Variants in ITGA1 observed in about 807,000 individuals in gnomAD.
ITGA1 encodes integrin subunit alpha 1.
Under a neutral mutation model 145.9 loss-of-function variants are expected in ITGA1, and 85 were observed. The ratio of observed to expected loss-of-function variants is 0.58; its 90% confidence interval spans 0.49 to 0.70. The LOEUF is 0.70. Ranked by LOEUF, ITGA1 falls within the 30% of genes least tolerant of loss-of-function variation. ITGA1 has a pLI of 0.00. For missense variants in ITGA1, 1,351 were observed against 1,418.7 expected, an observed-to-expected ratio of 0.95 and a Z score of 0.77; for synonymous variants, 520 against 495.3, an observed-to-expected ratio of 1.05 and a Z score of -0.66.
chr5:52,951,776 A>G (rs1751224757), intron 28 of ITGA1, among the ~76,000 whole-genome samples: 1 of 152,238 alleles, frequency 6.6e-6, no homozygotes, highest in African/African-American at 2.4e-5. Context: ...GGCAAAGAAG[A>G]GACAATGCTA....
intron 6 of ITGA1, among the ~76,000 whole-genome samples, chr5:52,881,134 G>A (rs928051240): frequency 1.3e-5 from 2 of 152,162 alleles, no homozygotes; most frequent in Non-Finnish European, 2.9e-5. Context: ...AGTTGGGAAG[G>A]GCTGATTTGG....
intron 1 of ITGA1, among the ~76,000 whole-genome samples, chr5:52,844,229 A>C (rs541044625): frequency 6.6e-6 from 1 of 152,254 alleles, no homozygotes; most frequent in South Asian, 2.1e-4. Context: ...GAAGTCCTTC[A>C]AGAAGTTAGA....
chr5:52,900,740 C>T (rs1399624483), intron 11 of ITGA1, among the ~76,000 whole-genome samples: 1 of 152,120 alleles, frequency 6.6e-6, no homozygotes, highest in Non-Finnish European at 1.5e-5. Context: ...GCAAATTACT[C>T]TCCCCCTCAA....
chr5:52,944,266 G>A (rs1368619912), intron 26 of ITGA1, among the ~76,000 whole-genome samples: 2 of 152,132 alleles, frequency 1.3e-5, no homozygotes, highest in African/African-American at 2.4e-5. Context: ...GGAGATGTTG[G>A]GTACTCTGTA....
chr5:52,878,703 GT>G (rs1460876788), intron 6 of ITGA1, among the ~76,000 whole-genome samples: 1 of 152,174 alleles, frequency 6.6e-6, no homozygotes, highest in East Asian at 1.9e-4. Flanking sequence ...TAGTTGTAGT[GT>G]TTGACAGCGC....
intron 6 of ITGA1, chr5:52,867,032 T>C (rs930226542): frequency 8.6e-5 from 13 of 151,262 alleles, no homozygotes; most frequent in South Asian, 2.1e-4. Flanking sequence ...TTTTTTTTTT[T>C]CTGAGGACTT....
intron 10 of ITGA1, among the ~76,000 whole-genome samples, chr5:52,897,796 G>C (rs1039626566): frequency 2.6e-5 from 4 of 151,978 alleles, no homozygotes; most frequent in African/African-American, 9.7e-5. Flanking sequence ...TTATGTATCT[G>C]TCTAAATGAA....
At chr5:52,949,212 G>A (rs912344593) in intron 28 of ITGA1, among the ~76,000 whole-genome samples, 2 of 152,166 alleles carry the variant, frequency 1.3e-5, no homozygotes, top group Non-Finnish European at 2.9e-5. Flanking sequence ...TGCTTACTAT[G>A]TGCAGGGAGC....
At chr5:52,948,033 C>T (rs1033408383) in intron 28 of ITGA1, among the ~76,000 whole-genome samples, 1 of 152,150 alleles carries the variant, frequency 6.6e-6, no homozygotes. Flanking sequence ...TAAAGTTTCA[C>T]AGACTCCTAT....
At chr5:52,853,947 G>A (rs994368772) in intron 2 of ITGA1, among the ~76,000 whole-genome samples, 1 of 152,120 alleles carries the variant, frequency 6.6e-6, no homozygotes, top group Non-Finnish European at 1.5e-5. Context: ...GGTCTCAGCC[G>A]AACGGGAAAA....
chr5:52,876,368 C>T (rs142930890), intron 6 of ITGA1, among the ~76,000 whole-genome samples: 131 of 152,250 alleles, frequency 8.6e-4, no homozygotes, highest in African/African-American at 2.7e-3. Context: ...AAAGTAATTG[C>T]GGTTTTGCCA....
At chr5:52,889,230 T>G (rs1185418747) in intron 8 of ITGA1, among the ~76,000 whole-genome samples, 1 of 152,078 alleles carries the variant, frequency 6.6e-6, no homozygotes, top group Non-Finnish European at 1.5e-5. Flanking sequence ...GCCTCCCAAG[T>G]AGCTGGGACC....
chr5:52,942,396 A>T (rs900277955), intron 26 of ITGA1, among the ~76,000 whole-genome samples: 3 of 152,108 alleles, frequency 2.0e-5, no homozygotes, highest in Non-Finnish European at 4.4e-5. Context: ...ATTAAATGAA[A>T]GGTTTTTTCT....
chr5:52,910,660 A>C (rs1254657310), intron 14 of ITGA1, among the ~76,000 whole-genome samples: 1 of 147,828 alleles, frequency 6.8e-6, no homozygotes, highest in Non-Finnish European at 1.5e-5. Flanking sequence ...TAATGTGTAT[A>C]TAGTATATAT....
intron 3 of ITGA1, among the ~76,000 whole-genome samples, chr5:52,863,684 C>A (rs1183565914): frequency 6.6e-6 from 1 of 152,050 alleles, no homozygotes; most frequent in Non-Finnish European, 1.5e-5. Flanking sequence ...AGGAGTTACT[C>A]CTCCCTTACT....
chr5:52,876,605 G>GCTT (rs1749871641), intron 6 of ITGA1, among the ~76,000 whole-genome samples: 1 of 151,814 alleles, frequency 6.6e-6, no homozygotes, highest in African/African-American at 2.4e-5. Flanking sequence ...TTTTCCATTT[G>GCTT]CTTATGCGAA....
intron 1 of ITGA1, among the ~76,000 whole-genome samples, chr5:52,843,836 A>T (rs1226329910): frequency 6.6e-6 from 1 of 152,180 alleles, no homozygotes. Context: ...CTTTTGGCAA[A>T]TCACTCAACC....
In ITGA1 at chr5:52,910,399, A is replaced by G. The variant is rs763623754; in HGVS notation, c.1837A>G (p.Ile613Val). 1.5e-5 allele frequency: 24 copies of G among 1,613,514 alleles called. No individual in the cohort carries two copies. The South Asian group carries it at 2.3e-4, about 16-fold the overall frequency. Residue 613 changes from isoleucine to valine, a missense_variant, in exon 14 of 29, where the codon ATA becomes GTA. By Grantham distance (29) the Ile-to-Val change is conservative (BLOSUM62 3). Transcript: ENST00000282588. ...CATTTATCATGGAAGTGGCAAGACT[A>G]TAAGGAAAGAGTATGCACAAGTAAG... ...VYIYHGSGKT[I>V]RKEYAQRIPS...
chr5:52,922,581 A>G (rs981398420), intron 17 of ITGA1, among the ~76,000 whole-genome samples, 196 bp from the exon 18 acceptor site: 2 of 152,298 alleles, frequency 1.3e-5, no homozygotes, highest in South Asian at 4.1e-4. Flanking sequence ...TGAAACCTCC[A>G]CATTCCCCTA....
Sources: allele counts gnomAD v4.1 joint callset (sites outside exome capture counted in the v4.1 genomes callset), GRCh38; gene constraint gnomAD v4.1.1; transcripts MANE v1.5; gene names NCBI Gene and HGNC (gene_info 2026-07-23, HGNC 2026-07-21).